The following ALDH5A1 variants were observed in gnomAD, a reference collection of about 807,000 sequenced individuals.
ALDH5A1 encodes aldehyde dehydrogenase 5 family member A1.
A neutral mutation model predicts 54.7 loss-of-function variants in ALDH5A1; 33 were observed. The observed-to-expected ratio is 0.60, with a 90% CI of 0.46 to 0.81. The LOEUF (loss-of-function observed/expected upper bound fraction) is 0.81, where lower values mean the gene tolerates loss of function less well. Ranked by LOEUF, ALDH5A1 falls within the 30% of genes least tolerant of loss-of-function variation. ALDH5A1 has a pLI of 0.00. For synonymous variants in ALDH5A1, 294 were observed against 292.7 expected, an observed-to-expected ratio of 1.00 and a Z score of -0.05; for missense variants, 657 against 711.0, an observed-to-expected ratio of 0.92 and a Z score of 0.86.
At chr6:24,517,295 C>T (rs9467212) in intron 5 of ALDH5A1, among the ~76,000 whole-genome samples, 4 of 152,156 alleles carry the variant, frequency 2.6e-5, no homozygotes. Context: ...TGTGAGCCAG[C>T]GTGCCCAGCT....
chr6:24,495,260 C>G lies in ALDH5A1; in HGVS notation c.264C>G (p.Gly88=), dbSNP rs759932020. The change falls in exon 1 of 10, where the codon GGC becomes GGG. Residue 88 remains glycine, a synonymous_variant. Coordinates refer to ENST00000357578, the MANE Select transcript of ALDH5A1 (RefSeq NM_001080.3). The part of the protein sequence containing the change: ...VQDPASGAAL[G]MVADCGVREA... ...ACCCGGCCAGCGGCGCCGCTCTGGGCATGGTAGCCGACTGCGGGGTGCGAG... is the reference window on the plus strand; with the variant it reads ...ACCCGGCCAGCGGCGCCGCTCTGGGGATGGTAGCCGACTGCGGGGTGCGAG... 1 of 1,532,382 alleles carries G rather than the reference C, an allele frequency of 6.5e-7. No individual in the cohort carries two copies. The highest frequency in any genetic ancestry group is 8.7e-7 in the Non-Finnish European group (1 of 1,146,020). 94.9% of individuals were successfully genotyped at this position (1,532,382 alleles called of 1,614,324 possible).
At chr6:24,497,182 G>A (rs1309594157) in intron 1 of ALDH5A1, among the ~76,000 whole-genome samples, 1 of 152,176 alleles carries the variant, frequency 6.6e-6, no homozygotes, top group Non-Finnish European at 1.5e-5. Flanking sequence ...GTGGGTTGTC[G>A]CTGCTGGGTG....
rs778867668 is a variant in ALDH5A1 at position 24,533,643 on chromosome 6, G to A, written c.1539G>A (p.Gly513=). The A allele has an allele frequency of 1.9e-5, 30 of 1,613,980 alleles. No individual in the cohort carries two copies. Among genetic ancestry groups the A allele is most frequent in the Non-Finnish European group, 2.5e-5 (30 of 1,180,036 alleles). The change falls in exon 10 of 10, where the codon GGG becomes GGA. Residue 513 remains glycine (G), a synonymous_variant. Transcript: ENST00000357578. ...GTGGAGTGAAGCAGTCCGGCCTTGG[G>A]CGAGAGGGGTCCAAGTATGGCATTG... The part of the protein sequence containing the change: ...PFGGVKQSGL[G]REGSKYGIDE...
Position 24,503,119 on chromosome 6 carries a change from C to G in ALDH5A1, c.439-144C>G, listed in dbSNP as rs1759238117. 17 of 983,194 alleles carry G rather than the reference C, an allele frequency of 1.7e-5. No individual in the cohort carries two copies. In the South Asian group the frequency reaches 2.2e-4, roughly 13 times the overall value. 60.9% of individuals were successfully genotyped at this position (983,194 alleles called of 1,614,324 possible). A position where few individuals can be genotyped will look rare whatever the true frequency, so the allele number is the denominator to read the frequency against. On this transcript the variant is annotated intron_variant, in intron 2 of 9. Coordinates refer to ENST00000357578, the MANE Select transcript of ALDH5A1 (RefSeq NM_001080.3). ...GTAATTCTGCTTTTTAAAACTCACACCAAAGTCAGAAATTTTCCCCACTCT... is the reference window on the plus strand; with the variant it reads ...GTAATTCTGCTTTTTAAAACTCACAGCAAAGTCAGAAATTTTCCCCACTCT...
chr6:24,517,067 C>T (rs949757965), intron 5 of ALDH5A1, among the ~76,000 whole-genome samples: 11 of 152,090 alleles, frequency 7.2e-5, no homozygotes, highest in South Asian at 2.1e-4. Context: ...AGTGCAGTGG[C>T]GTGATCTTGG....
chr6:24,522,985 T>A, intron 7 of ALDH5A1, 60 bp downstream of exon 7: 3 of 1,237,454 alleles, frequency 2.4e-6, no homozygotes, highest in Admixed American at 2.1e-5. Flanking sequence ...AAAAGCTTAA[T>A]CAGCAAAAAA....
rs111525061 is a variant in ALDH5A1, at chr6:24,522,835, C to A, written c.1083C>A (p.Ala361=). The A allele has an allele frequency of 6.2e-6, 10 of 1,613,900 alleles. 1 individual carries two copies. The highest frequency in any genetic ancestry group is 1.6e-4 in the Middle Eastern group (1 of 6,062). Residue 361 remains alanine, a synonymous_variant, in exon 7 of 10, where the codon GCC becomes GCA. Coordinates refer to ENST00000357578, the MANE Select transcript of ALDH5A1 (RefSeq NM_001080.3). The part of the protein sequence containing the change: ...GIHDAFVKAF[A]EAMKKNLRVG... ...ATGATGCCTTTGTAAAAGCATTCGC[C>A]GAGGCCATGAAGAAGAACCTGCGCG...
intron 4 of ALDH5A1, among the ~76,000 whole-genome samples, chr6:24,510,604 CTAATA>C (rs905584536): frequency 1.3e-5 from 2 of 152,094 alleles, no homozygotes; most frequent in Non-Finnish European, 2.9e-5. Flanking sequence ...TTTGTTTTGT[CTAATA>C]TAAGAATAGC....
rs1760038446 is a variant in ALDH5A1, at chr6:24,535,918, C to G, written c.*2206C>G. The stretch of plus-strand genomic sequence containing the variant: ...CCAAATAAATTTTTAACATTGTAAG[C>G]CAGTAGATTCTTTGGCTGGGTGGCA... On this transcript the variant is annotated 3_prime_UTR_variant, in exon 10 of 10. Transcript: ENST00000357578. 1 of 152,170 alleles carries G rather than the reference C, an allele frequency of 6.6e-6. No individual in the cohort carries two copies. Among genetic ancestry groups the G allele is most frequent in the South Asian group, 2.1e-4 (1 of 4,830 alleles). The allele number at this position is 152,170 out of a possible 1,614,324, so 9.4% of individuals were successfully genotyped here.
chr6:24,516,836 T>C (rs957931611), intron 5 of ALDH5A1, among the ~76,000 whole-genome samples: 2 of 151,960 alleles, frequency 1.3e-5, no homozygotes, highest in African/African-American at 4.8e-5. Flanking sequence ...GGTGAGAGGA[T>C]CACCTGAGCC....
At chr6:24,508,152 C>T (rs1236742348) in intron 4 of ALDH5A1, among the ~76,000 whole-genome samples, 1 of 151,862 alleles carries the variant, frequency 6.6e-6, no homozygotes, top group Non-Finnish European at 1.5e-5. Context: ...ATCACAAGCT[C>T]AAGAGATTGA....
At chr6:24,499,896 T>C (rs1024374797) in intron 1 of ALDH5A1, among the ~76,000 whole-genome samples, 1 of 152,126 alleles carries the variant, frequency 6.6e-6, no homozygotes, top group African/African-American at 2.4e-5. Flanking sequence ...CATGACCTCA[T>C]GATCCGCCCG....
At chr6:24,506,782 A>G (rs2817224) in intron 4 of ALDH5A1, among the ~76,000 whole-genome samples, 39,748 of 152,160 alleles carry the variant, frequency 0.26, 5,426 homozygotes, top group Non-Finnish European at 0.28. Context: ...GAAAAATTGC[A>G]TAGATGGGCT....
intron 5 of ALDH5A1, among the ~76,000 whole-genome samples, chr6:24,519,956 G>T (rs1759646344): frequency 7.2e-6 from 1 of 139,348 alleles, no homozygotes; most frequent in Non-Finnish European, 1.5e-5. Flanking sequence ...AATTAAGACA[G>T]TATTAATGTT....
intron 9 of ALDH5A1, among the ~76,000 whole-genome samples, chr6:24,533,144 T>G (rs2760185): frequency 0.51 from 76,696 of 151,802 alleles, 20,877 homozygotes; most frequent in African/African-American, 0.71. Context: ...AAACTACTTG[T>G]GGGGGAGAGG....
Position 24,495,126 on chromosome 6 carries a change from C to T in ALDH5A1, c.130C>T (p.Leu44Phe), listed in dbSNP as rs185042766. Reference protein sequence around the residue: ...ASGPAPGPAQLRCYAGRLAGL... With the variant: ...ASGPAPGPAQFRCYAGRLAGL... ...CGGGCCTGCGCCCGGCCCGGCCCAGCTCCGCTGCTACGCTGGGCGCCTGGC... is the reference window on the plus strand; with the variant it reads ...CGGGCCTGCGCCCGGCCCGGCCCAGTTCCGCTGCTACGCTGGGCGCCTGGC... The change falls in exon 1 of 10, where the codon CTC becomes TTC. Residue 44 changes from leucine (L) to phenylalanine (F), a missense_variant. Leu to Phe is a conservative substitution (Grantham distance 22). Coordinates refer to ENST00000357578, the MANE Select transcript of ALDH5A1 (RefSeq NM_001080.3). 7.2e-7 allele frequency: 1 copy of T among 1,382,708 alleles called. No homozygotes were observed. Among genetic ancestry groups the T allele is most frequent in the African/African-American group, 1.5e-5 (1 of 65,772 alleles). The allele number at this position is 1,382,708 out of a possible 1,614,324, so 85.7% of individuals were successfully genotyped here. A position where few individuals can be genotyped will look rare whatever the true frequency, so the allele number is the denominator to read the frequency against.
chr6:24,515,102 CTTTTTTTTTT>C, intron 4 of ALDH5A1, 55 bp from the exon 5 acceptor site: 2 of 927,260 alleles, frequency 2.2e-6, no homozygotes, highest in Non-Finnish European at 3.0e-6. Context: ...TTTCTCTTTT[CTTTTTTTTTT>C]TTTTTTTTTC....
At chr6:24,515,645 C>G (rs1312117587) in intron 5 of ALDH5A1, among the ~76,000 whole-genome samples, 1 of 152,160 alleles carries the variant, frequency 6.6e-6, no homozygotes, top group East Asian at 1.9e-4. Flanking sequence ...TCACTTGAAC[C>G]CGGGAGGCGA....
intron 9 of ALDH5A1, 123 bp from the exon 10 acceptor site, chr6:24,533,384 G>A (rs1759972177): frequency 1.0e-6 from 1 of 978,254 alleles, no homozygotes; most frequent in African/African-American, 1.6e-5. Context: ...CTTTATCTGG[G>A]AGCAGGGAAG....
Sources: allele counts gnomAD v4.1 joint callset (sites outside exome capture counted in the v4.1 genomes callset), GRCh38; gene constraint gnomAD v4.1.1; transcripts MANE v1.5; gene names NCBI Gene and HGNC (gene_info 2026-07-23, HGNC 2026-07-21).